Variants in SPATA16 observed in about 807,000 individuals in gnomAD.
SPATA16 encodes the protein spermatogenesis associated 16.
Under a neutral mutation model 63.3 loss-of-function variants are expected in SPATA16, and 36 were observed. The observed-to-expected ratio is 0.57, with a 90% CI of 0.44 to 0.75. The LOEUF is 0.75. Among genes scored for constraint, SPATA16 ranks in the 30% least tolerant of loss-of-function variants. The pLI, the probability that SPATA16 is intolerant of heterozygous loss-of-function variation, is 0.00. For missense variants in SPATA16, 646 were observed against 679.3 expected, an observed-to-expected ratio of 0.95 and a Z score of 0.54; for synonymous variants, 203 against 216.7, an observed-to-expected ratio of 0.94 and a Z score of 0.56.
rs762793354 is a variant in SPATA16 at position 172,968,466 on chromosome 3, C to G, written c.933+8502G>C. On this transcript the variant is annotated intron_variant, in intron 5 of 10. Coordinates refer to ENST00000351008, the MANE Select transcript of SPATA16 (RefSeq NM_031955.6). ...ACATGTTGGGTTGAAGTGGGGATAG[C>G]GTGAGGAGAAGAGAGGAATGGGGTA... 2.0e-5 allele frequency among the ~76,000 whole-genome samples: 3 copies of G among 152,128 alleles called. No homozygotes were observed. In the East Asian group the frequency reaches 5.8e-4, roughly 29 times the overall value.
chr3:173,026,964 G>T (rs950072275), intron 3 of SPATA16, among the ~76,000 whole-genome samples: 2 of 151,750 alleles, frequency 1.3e-5, no homozygotes, highest in African/African-American at 2.4e-5. Flanking sequence ...TTGCTAAAAT[G>T]TCTGCTGGGA....
intron 2 of SPATA16, among the ~76,000 whole-genome samples, chr3:173,075,438 A>G (rs1243859698): frequency 5.3e-5 from 8 of 152,154 alleles, no homozygotes; most frequent in African/African-American, 1.9e-4. Context: ...ATAGATACCT[A>G]ATAGAAAGGA....
Position 172,990,393 on chromosome 3 carries a change from A to G in SPATA16, c.849-13341T>C, listed in dbSNP as rs190612889. On this transcript the variant is annotated intron_variant, in intron 4 of 10. Coordinates refer to ENST00000351008, the MANE Select transcript of SPATA16 (RefSeq NM_031955.6). The stretch of plus-strand genomic sequence containing the variant: ...ATGGGATTCTATATATTAAACCAAC[A>G]TTTTCACTGATTACATTAAACATTT... 9.8e-5 allele frequency among the ~76,000 whole-genome samples: 15 copies of G among 152,330 alleles called. No homozygotes were observed. In the East Asian group the frequency reaches 1.9e-3, roughly 20 times the overall value.
intron 3 of SPATA16, among the ~76,000 whole-genome samples, chr3:173,031,681 C>T (rs1223974272): frequency 6.6e-6 from 1 of 152,020 alleles, no homozygotes; most frequent in African/African-American, 2.4e-5. Flanking sequence ...TGCAACAGTG[C>T]TGTCACTATA....
chr3:173,005,561 T>G (rs945552483), intron 4 of SPATA16, among the ~76,000 whole-genome samples: 3 of 152,138 alleles, frequency 2.0e-5, no homozygotes, highest in Non-Finnish European at 4.4e-5. Flanking sequence ...TTGCAGAAAG[T>G]GCACACAACC....
intron 4 of SPATA16, among the ~76,000 whole-genome samples, chr3:173,003,460 C>T (rs528379423): frequency 1.3e-5 from 2 of 152,282 alleles, no homozygotes; most frequent in South Asian, 2.1e-4. Context: ...TAAAATAAAG[C>T]ACAAAGTCCA....
intron 10 of SPATA16, among the ~76,000 whole-genome samples, chr3:172,912,424 C>T (rs1732388898): frequency 6.6e-6 from 1 of 152,084 alleles, no homozygotes; most frequent in East Asian, 1.9e-4. Context: ...ATGTATTCAA[C>T]ACATATTTGC....
rs1732679727 is a variant in SPATA16 at position 172,924,325 on chromosome 3, T to C, written c.1229-8A>G. ...CGAAAGGTGTTTTATGCTCTAAAAATTGTAACAATAAACTTTTATACTATT... is the reference window on the plus strand; with the variant it reads ...CGAAAGGTGTTTTATGCTCTAAAAACTGTAACAATAAACTTTTATACTATT... On this transcript the variant is annotated splice_region_variant and splice_polypyrimidine_tract_variant and intron_variant, in intron 7 of 10. Coordinates refer to ENST00000351008, the MANE Select transcript of SPATA16 (RefSeq NM_031955.6). The C allele has an allele frequency of 6.2e-7, 1 of 1,603,968 alleles. No homozygotes were observed. Among genetic ancestry groups the C allele is most frequent in the African/African-American group, 1.3e-5 (1 of 74,854 alleles).
At chr3:172,926,957 A>G (rs1013814152) in intron 6 of SPATA16, among the ~76,000 whole-genome samples, 3 of 152,232 alleles carry the variant, frequency 2.0e-5, no homozygotes, top group Non-Finnish European at 4.4e-5. Context: ...GGTTTAGTTA[A>G]AGGTAAAATA....
Position 173,133,132 on chromosome 3 carries a change from G to C in SPATA16, c.-19+7971C>G, listed in dbSNP as rs117845107. ...AGAAGCATTACTAGAAATACAGAAG[G>C]TATGTTATTTATTGATTTATTGTTC... On this transcript the variant is annotated intron_variant, in intron 1 of 10. Coordinates refer to ENST00000351008, the MANE Select transcript of SPATA16 (RefSeq NM_031955.6). Among the ~76,000 whole-genome samples, 84 of 152,264 alleles carry C rather than the reference G, an allele frequency of 5.5e-4. 5 individuals are homozygous for C. The East Asian group carries it at 0.016, about 29-fold the overall frequency.
rs370161882 is a variant in SPATA16 at position 172,956,748 on chromosome 3, G to A, written c.1010C>T (p.Ala337Val). Residue 337 changes from alanine (A) to valine (V), a missense_variant, in exon 6 of 11, where the codon GCT (alanine) becomes GTT (valine). Transcript: ENST00000351008. ...ATCTTTTACTTTTTCTATTTTATCA[G>A]CTCTTATTTTTGTCGCAAATGGTGT... ...MYTPFATKIRADKIEKVKDAF... is the reference protein window; with the variant it reads ...MYTPFATKIRVDKIEKVKDAF... The A allele has an allele frequency of 2.4e-5, 38 of 1,613,138 alleles. No homozygotes were observed. In the African/African-American group the frequency reaches 4.8e-4, roughly 20 times the overall value.
intron 10 of SPATA16, among the ~76,000 whole-genome samples, chr3:172,909,962 T>C (rs1732330330): frequency 6.6e-6 from 1 of 152,172 alleles, no homozygotes; most frequent in Non-Finnish European, 1.5e-5. Context: ...TGTATCTTTT[T>C]AGCTGGTCCC....
chr3:173,139,206 GTTA>G (rs1212778630), intron 1 of SPATA16, among the ~76,000 whole-genome samples: 2 of 152,082 alleles, frequency 1.3e-5, no homozygotes, highest in Non-Finnish European at 2.9e-5. Context: ...TGTTATTGCT[GTTA>G]TTATTGTTCA....
Position 173,120,530 on chromosome 3 carries a change from G to A in SPATA16, c.-18-2781C>T, listed in dbSNP as rs139882406. Among the ~76,000 whole-genome samples, 12 of 152,156 alleles carry A rather than the reference G, an allele frequency of 7.9e-5. No homozygotes were observed. In the East Asian group the frequency reaches 1.9e-3, roughly 24 times the overall value. On this transcript the variant is annotated intron_variant, in intron 1 of 10. Transcript: ENST00000351008. ...TACTCTCTCTACTTCAAGCACCAGA[G>A]GCTAAAATGTACCAGAATATCTGTA...
intron 2 of SPATA16, among the ~76,000 whole-genome samples, chr3:173,086,708 C>G (rs547955464): frequency 2.6e-5 from 4 of 152,124 alleles, no homozygotes; most frequent in Admixed American, 2.6e-4. Flanking sequence ...ACTGCTTTAG[C>G]TGTGTCCCAG....
At chr3:173,070,846 T>C (rs1025739962) in intron 2 of SPATA16, among the ~76,000 whole-genome samples, 1 of 152,226 alleles carries the variant, frequency 6.6e-6, no homozygotes, top group Non-Finnish European at 1.5e-5. Flanking sequence ...TCCATGTTCA[T>C]GGTTTGGAAC....
chr3:172,902,130 C>T (rs917110599), intron 10 of SPATA16, among the ~76,000 whole-genome samples: 3 of 152,168 alleles, frequency 2.0e-5, no homozygotes, highest in South Asian at 2.1e-4. Context: ...CTCCGCCTCT[C>T]GGGTTCAAGT....
At chr3:173,050,959 T>C (rs991394671) in intron 2 of SPATA16, among the ~76,000 whole-genome samples, 9 of 152,172 alleles carry the variant, frequency 5.9e-5, no homozygotes, top group Non-Finnish European at 1.3e-4. Context: ...GTAAACAGGC[T>C]TTAAAACATA....
At chr3:172,967,584 C>T (rs564212773) in intron 5 of SPATA16, among the ~76,000 whole-genome samples, 1 of 152,278 alleles carries the variant, frequency 6.6e-6, no homozygotes, top group African/African-American at 2.4e-5. Context: ...CAGAGATCCC[C>T]AACCAGGCCA....
Sources: gnomAD v4.1 joint callset for allele counts (sites outside exome capture counted in the v4.1 genomes callset) on GRCh38, gnomAD v4.1.1 for gene constraint, MANE v1.5 for transcripts, NCBI Gene and HGNC (gene_info 2026-07-23, HGNC 2026-07-21) for gene names.